Variants in CCSER1 observed in about 807,000 individuals in gnomAD.
CCSER1 encodes serine-rich coiled-coil domain-containing protein 1.
In CCSER1, 41 loss-of-function variants were observed where a neutral mutation model predicts 82.0. That is an observed-to-expected ratio of 0.50 (90% CI 0.39 to 0.65). CCSER1 has a LOEUF of 0.65. Ranked by LOEUF, CCSER1 falls within the 30% of genes least tolerant of loss-of-function variation. The pLI is 0.00. For synonymous variants in CCSER1, 414 were observed against 383.9 expected (o/e 1.08, Z -0.92); for missense variants, 1,119 against 1,064.2 (o/e 1.05, Z -0.72).
intron 5 of CCSER1, among the ~76,000 whole-genome samples, chr4:90,492,422 G>A (rs555550308): frequency 1.3e-5 from 2 of 151,798 alleles, no homozygotes. Flanking sequence ...TTCTTTATTA[G>A]TCTGGCTAGG....
At chr4:91,435,896 T>G (rs1290668926) in intron 10 of CCSER1, among the ~76,000 whole-genome samples, 1 of 152,216 alleles carries the variant, frequency 6.6e-6, no homozygotes, top group Non-Finnish European at 1.5e-5. Context: ...AAACTGTGCT[T>G]ATGTGATTAC....
intron 9 of CCSER1, among the ~76,000 whole-genome samples, chr4:91,036,319 G>A (rs180871895): frequency 2.0e-5 from 3 of 151,978 alleles, no homozygotes; most frequent in Non-Finnish European, 4.4e-5. Context: ...TTAATTTGAT[G>A]ATTAATTTTG....
At position 91,113,955 on chromosome 4, in the gene CCSER1, C is replaced by G. The variant is rs570037302; in HGVS notation, c.2217+27961C>G. Among the ~76,000 whole-genome samples, 10 of 152,110 alleles carry G rather than the reference C, an allele frequency of 6.6e-5. No individual in the cohort carries two copies. In the South Asian group the frequency reaches 2.1e-3, roughly 32 times the overall value. Reference sequence around the variant, plus strand: ...GCAAGCTCCGCCTCCTGAGTTCACGCCGTTCTCCTGCCTCAGCCTCCCGAG... The same window carrying G: ...GCAAGCTCCGCCTCCTGAGTTCACGGCGTTCTCCTGCCTCAGCCTCCCGAG... On this transcript the variant is annotated intron_variant, in intron 10 of 10. Coordinates refer to ENST00000509176, the MANE Select transcript of CCSER1 (RefSeq NM_001145065.2).
intron 9 of CCSER1, among the ~76,000 whole-genome samples, chr4:90,935,458 G>A (rs1730811227): frequency 6.6e-6 from 1 of 152,062 alleles, no homozygotes; most frequent in African/African-American, 2.4e-5. Flanking sequence ...GCATAATCCT[G>A]AGCCAAATAA....
chr4:91,569,857 C>T (rs1382623184), intron 10 of CCSER1, among the ~76,000 whole-genome samples: 2 of 152,102 alleles, frequency 1.3e-5, no homozygotes, highest in African/African-American at 4.8e-5. Context: ...TCTAACAGTT[C>T]CCTGCAGTCT....
At chr4:90,492,474 G>A (rs1768205083) in intron 5 of CCSER1, among the ~76,000 whole-genome samples, 1 of 152,004 alleles carries the variant, frequency 6.6e-6, no homozygotes, top group Admixed American at 6.6e-5. Flanking sequence ...ACCAGCTCCT[G>A]GATTCATTGA....
intron 7 of CCSER1, chr4:90,780,440 A>G: frequency 1.2e-6 from 2 of 1,611,310 alleles, no homozygotes; most frequent in Non-Finnish European, 1.7e-6. Flanking sequence ...TTGTTTTTAC[A>G]GACCACATAC....
At chr4:91,410,137 C>T (rs1306023861) in intron 10 of CCSER1, among the ~76,000 whole-genome samples, 1 of 152,166 alleles carries the variant, frequency 6.6e-6, no homozygotes, top group African/African-American at 2.4e-5. Flanking sequence ...GGGAATTTAT[C>T]AATATCATGT....
At chr4:91,333,705 TAAA>T (rs1747115703) in intron 10 of CCSER1, among the ~76,000 whole-genome samples, 2 of 152,068 alleles carry the variant, frequency 1.3e-5, no homozygotes, top group South Asian at 4.1e-4. Context: ...TTTTCATAAT[TAAA>T]AAATACAGTC....
At chr4:91,170,535 A>C (rs1291972013) in intron 10 of CCSER1, among the ~76,000 whole-genome samples, 7 of 152,202 alleles carry the variant, frequency 4.6e-5, no homozygotes, top group Non-Finnish European at 1.0e-4. Flanking sequence ...AATTTTCTTG[A>C]GGGTAATAGA....
chr4:91,479,232 G>A (rs368474191), intron 10 of CCSER1, among the ~76,000 whole-genome samples: 3 of 150,582 alleles, frequency 2.0e-5, no homozygotes, highest in East Asian at 1.9e-4. Context: ...GACAAAGAAC[G>A]TTTAGTTTAC....
At chr4:90,177,085 A>G (rs574272973) in intron 1 of CCSER1, among the ~76,000 whole-genome samples, 43 of 152,214 alleles carry the variant, frequency 2.8e-4, no homozygotes, top group African/African-American at 1.0e-3. Flanking sequence ...AAAATTTACC[A>G]TGATTATTTT....
intron 7 of CCSER1, among the ~76,000 whole-genome samples, chr4:90,744,657 C>T (rs941891120): frequency 2.2e-4 from 34 of 152,054 alleles, no homozygotes; most frequent in African/African-American, 8.2e-4. Flanking sequence ...AGGAGATGAC[C>T]GATGGGCAAG....
intron 6 of CCSER1, among the ~76,000 whole-genome samples, chr4:90,705,860 G>T (rs937494492): frequency 3.9e-5 from 6 of 152,174 alleles, no homozygotes; most frequent in Non-Finnish European, 8.8e-5. Flanking sequence ...CAATTTTCCA[G>T]GTGCCGTCTG....
chr4:91,426,115 A>G (rs2149388211), intron 10 of CCSER1, among the ~76,000 whole-genome samples: 1 of 152,066 alleles, frequency 6.6e-6, no homozygotes, highest in East Asian at 1.9e-4. Flanking sequence ...TTCAACTCCC[A>G]CTATGAGTGA....
intron 10 of CCSER1, among the ~76,000 whole-genome samples, chr4:91,132,919 C>G (rs1414160041): frequency 6.6e-6 from 1 of 152,014 alleles, no homozygotes; most frequent in Non-Finnish European, 1.5e-5. Context: ...AAATATTTAC[C>G]ACAATAATTT....
In CCSER1 at chr4:91,125,843, G is replaced by GT. The variant is rs1046476172; in HGVS notation, c.2217+39855dup. 1.8e-4 allele frequency among the ~76,000 whole-genome samples: 27 copies of GT among 151,760 alleles called. No homozygotes were observed. The East Asian group carries it at 5.0e-3, about 28-fold the overall frequency. On this transcript the variant is annotated intron_variant, in intron 10 of 10. Coordinates refer to ENST00000509176, the MANE Select transcript of CCSER1 (RefSeq NM_001145065.2). Reference sequence around the variant, plus strand: ...GTATTTAACACAGGCACAAGAATTAGTTTTTTAAAAAACTTATTTCAATTT... The same window carrying GT: ...GTATTTAACACAGGCACAAGAATTAGTTTTTTTAAAAAACTTATTTCAATTT...
chr4:90,907,303 G>A (rs1725635941), intron 8 of CCSER1, among the ~76,000 whole-genome samples: 1 of 152,098 alleles, frequency 6.6e-6, no homozygotes, highest in African/African-American at 2.4e-5. Context: ...ATGCAAATAT[G>A]GGCCAAGGGA....
intron 5 of CCSER1, among the ~76,000 whole-genome samples, chr4:90,539,020 C>T (rs1775767696): frequency 6.6e-6 from 1 of 151,914 alleles, no homozygotes; most frequent in South Asian, 2.1e-4. Context: ...TGACAAAATC[C>T]ATGAAAGAAC....
Sources: allele counts gnomAD v4.1 joint callset (sites outside exome capture counted in the v4.1 genomes callset), GRCh38; gene constraint gnomAD v4.1.1; transcripts MANE v1.5; gene names NCBI Gene and HGNC (gene_info 2026-07-23, HGNC 2026-07-21).